The following SLC24A2 variants were observed in gnomAD, a reference collection of about 807,000 sequenced individuals.
SLC24A2 encodes the protein solute carrier family 24 member 2.
SLC24A2 carries 36 observed loss-of-function variants against 62.0 expected under a neutral mutation model. The observed-to-expected ratio is 0.58, with a 90% CI of 0.44 to 0.77. The LOEUF is 0.77. Among genes scored for constraint, SLC24A2 ranks in the 30% least tolerant of loss-of-function variants. SLC24A2 has a pLI of 0.00. For synonymous variants in SLC24A2, 358 were observed against 294.0 expected (o/e 1.22, Z -2.23); for missense variants, 846 against 817.9 (o/e 1.03, Z -0.42).
the SLC24A2 span, among the ~76,000 whole-genome samples, chr9:20,036,495 C>T: frequency 7.2e-5 from 11 of 152,194 alleles, no homozygotes; most frequent in Admixed American, 7.2e-4. Flanking sequence ...CCATTCCCCC[C>T]CACTACCCAG....
chr9:19,522,737 C>G (rs1269546101), intron 9 of SLC24A2, among the ~76,000 whole-genome samples: 1 of 152,132 alleles, frequency 6.6e-6, no homozygotes, highest in Non-Finnish European at 1.5e-5. Context: ...ACATGGCAGG[C>G]TCTTAATACT....
At chr9:19,855,228 C>T in the SLC24A2 span, among the ~76,000 whole-genome samples, 6 of 152,124 alleles carry the variant, frequency 3.9e-5, no homozygotes, top group African/African-American at 1.4e-4. Context: ...ACTGATGGGT[C>T]TTGACTCTTT....
chr9:19,962,133 T>A, the SLC24A2 span, among the ~76,000 whole-genome samples: 1 of 152,214 alleles, frequency 6.6e-6, no homozygotes, highest in Non-Finnish European at 1.5e-5. Flanking sequence ...TTCCATGAAC[T>A]TTTATGGACT....
the SLC24A2 span, among the ~76,000 whole-genome samples, chr9:20,021,005 C>T: frequency 6.6e-6 from 1 of 152,082 alleles, no homozygotes; most frequent in South Asian, 2.1e-4. Flanking sequence ...ATCATATACA[C>T]TCATATGCTT....
chr9:20,302,598 GT>G, the SLC24A2 span, among the ~76,000 whole-genome samples: 16 of 151,970 alleles, frequency 1.1e-4, no homozygotes, highest in Admixed American at 7.9e-4. Context: ...TTGGTGTTGA[GT>G]TTTTTTTATA....
chr9:20,243,953 G>A, the SLC24A2 span, among the ~76,000 whole-genome samples: 1 of 142,658 alleles, frequency 7.0e-6, no homozygotes, highest in Non-Finnish European at 1.5e-5. Context: ...GAGGAAGGGA[G>A]TGGGGAGGAG....
chr9:20,229,088 C>T, the SLC24A2 span, among the ~76,000 whole-genome samples: 1 of 152,112 alleles, frequency 6.6e-6, no homozygotes, highest in Admixed American at 6.5e-5. Flanking sequence ...AGTGCTGATT[C>T]CTGAGGGGAG....
chr9:19,583,439 C>T (rs10964229), intron 5 of SLC24A2, among the ~76,000 whole-genome samples: 24,605 of 152,112 alleles, frequency 0.16, 2,154 homozygotes, highest in East Asian at 0.3. Context: ...ATTATGACTA[C>T]AGATTATTTG....
chr9:19,916,624 T>A, the SLC24A2 span, among the ~76,000 whole-genome samples: 6,675 of 152,028 alleles, frequency 0.044, 254 homozygotes, highest in East Asian at 0.2. Flanking sequence ...TTATATCTGC[T>A]TTTTTCCACT....
chr9:20,126,119 C>A, the SLC24A2 span, among the ~76,000 whole-genome samples: 1,236 of 152,110 alleles, frequency 8.1e-3, 20 homozygotes, highest in African/African-American at 0.028. Flanking sequence ...GGTATCCTTG[C>A]AGGAGAGATG....
At chr9:19,545,576 C>CT (rs1834520019) in intron 8 of SLC24A2, among the ~76,000 whole-genome samples, 1 of 151,804 alleles carries the variant, frequency 6.6e-6, no homozygotes, top group Non-Finnish European at 1.5e-5. Flanking sequence ...TACCGTCGGT[C>CT]TTTGTAGTCA....
the SLC24A2 span, among the ~76,000 whole-genome samples, chr9:20,005,687 C>A: frequency 2.2e-4 from 33 of 151,674 alleles, no homozygotes; most frequent in Non-Finnish European, 4.3e-4. Flanking sequence ...AGGGTTCTCC[C>A]AGGAAGTTCT....
At chr9:20,012,846 G>A in the SLC24A2 span, among the ~76,000 whole-genome samples, 25 of 151,494 alleles carry the variant, frequency 1.7e-4, no homozygotes, top group Non-Finnish European at 3.5e-4. Flanking sequence ...TTTAACCAAA[G>A]TGGTAAAAGA....
At chr9:19,936,311 G>A in the SLC24A2 span, among the ~76,000 whole-genome samples, 1 of 152,122 alleles carries the variant, frequency 6.6e-6, no homozygotes, top group Non-Finnish European at 1.5e-5. Flanking sequence ...GTCTCCTTCT[G>A]TTCCCAGGCT....
At chr9:20,262,695 C>T in the SLC24A2 span, among the ~76,000 whole-genome samples, 74 of 152,276 alleles carry the variant, frequency 4.9e-4, no homozygotes, top group African/African-American at 1.3e-3. Flanking sequence ...TGGAAACCAT[C>T]GGCTGAATTT....
intron 7 of SLC24A2, among the ~76,000 whole-genome samples, chr9:19,558,883 G>T (rs1040397208): frequency 2.3e-4 from 35 of 152,188 alleles, no homozygotes; most frequent in African/African-American, 8.0e-4. Flanking sequence ...TGCCTATATA[G>T]TGAGTGTGTG....
the SLC24A2 span, among the ~76,000 whole-genome samples, chr9:19,925,186 G>A: frequency 1.3e-5 from 2 of 152,192 alleles, no homozygotes; most frequent in Non-Finnish European, 2.9e-5. Context: ...TCTCTATAAG[G>A]ACAGGTCTAG....
the SLC24A2 span, among the ~76,000 whole-genome samples, chr9:20,101,533 G>C: frequency 6.6e-6 from 1 of 152,140 alleles, no homozygotes; most frequent in Admixed American, 6.5e-5. Context: ...AATAGTATGA[G>C]AGAACTTTTG....
At chr9:19,574,603 A>C (rs959110345) in intron 6 of SLC24A2, among the ~76,000 whole-genome samples, 1 of 85,406 alleles carries the variant, frequency 1.2e-5, no homozygotes, top group Admixed American at 1.5e-4. Flanking sequence ...AAGATTAAAT[A>C]AGAAAATGCA....
Sources: allele counts gnomAD v4.1 joint callset (sites outside exome capture counted in the v4.1 genomes callset), GRCh38; gene constraint gnomAD v4.1.1; transcripts MANE v1.5; gene names NCBI Gene and HGNC (gene_info 2026-07-23, HGNC 2026-07-21).